AJUBA: variants seen among roughly 807,000 people sequenced by gnomAD.
The protein encoded by AJUBA is LIM domain-containing protein ajuba.
In AJUBA, 20 loss-of-function variants were observed where a neutral mutation model predicts 53.3. The ratio of observed to expected loss-of-function variants is 0.38; its 90% confidence interval spans 0.26 to 0.55. AJUBA has a LOEUF of 0.55. AJUBA is among the 20% of genes least tolerant of loss of function. The pLI is 0.80. For synonymous variants in AJUBA, 296 were observed against 306.2 expected (o/e 0.97, Z 0.35); for missense variants, 580 against 730.5 (o/e 0.79, Z 2.38).
Position 22,971,390 on chromosome 14 carries a change from C to T in AJUBA, c.*2053G>A, listed in dbSNP as rs2139342328. The T allele has an allele frequency of 6.6e-6, 1 of 152,334 alleles. No individual in the cohort carries two copies. 9.4% of individuals were successfully genotyped at this position (152,334 alleles called of 1,614,324 possible). A position where few individuals can be genotyped will look rare whatever the true frequency, so the allele number is the denominator to read the frequency against. ...TATTTCCCAGGTTGGCTGGCATAGT[C>T]ACCTTAGAATAGCCCCCAAATGTGG... On this transcript the variant is annotated 3_prime_UTR_variant, in exon 8 of 8. Transcript: ENST00000262713.
In AJUBA at chr14:22,972,838, A is replaced by T. The variant is rs952089626; in HGVS notation, c.*605T>A. ...ACTTGCTACCTCTCAGGGACATCCC[A>T]CACTGCATCAACCACAACCCCAAAA... On this transcript the variant is annotated 3_prime_UTR_variant, in exon 8 of 8. Transcript: ENST00000262713. The T allele has an allele frequency of 6.5e-6, 1 of 153,656 alleles. No homozygotes were observed. Among genetic ancestry groups the T allele is most frequent in the Non-Finnish European group, 1.4e-5 (1 of 68,966 alleles). The allele number at this position is 153,656 out of a possible 1,614,324, so 9.5% of individuals were successfully genotyped here.
At position 22,981,061 on chromosome 14, in the gene AJUBA, T is replaced by A. The variant is rs557014299; in HGVS notation, c.1006+200A>T. Among the ~76,000 whole-genome samples the A allele has an allele frequency of 5.3e-5, 8 of 151,956 alleles. No homozygotes were observed. In the South Asian group the frequency reaches 1.7e-3, roughly 32 times the overall value. On this transcript the variant is annotated intron_variant, in intron 1 of 7. Coordinates refer to ENST00000262713, the MANE Select transcript of AJUBA (RefSeq NM_032876.6). ...CCAGGGGGGTTGAATTTAGCAGAAA[T>A]AAGGAGCCCTGGTTCATCTGAAAAC...
chr14:22,976,922 T>C, intron 2 of AJUBA: 2 of 1,403,386 alleles, frequency 1.4e-6, no homozygotes, highest in Non-Finnish European at 1.8e-6. Context: ...CCCTCTCCTC[T>C]GCTTGCTGCT....
At chr14:22,977,741 G>A (rs2139352567) in intron 2 of AJUBA, 1 of 152,738 alleles carries the variant, frequency 6.5e-6, no homozygotes, top group South Asian at 2.1e-4. Flanking sequence ...AAGCAGTAAG[G>A]AGGGGGTAAT....
rs1332911531 is a variant in AJUBA, at chr14:22,971,300, T to G, written c.*2143A>C. On this transcript the variant is annotated 3_prime_UTR_variant, in exon 8 of 8. Coordinates refer to ENST00000262713, the MANE Select transcript of AJUBA (RefSeq NM_032876.6). ...TTTCTCACTCCAACAAGGTGCATTTTCCCCTCTGGCGCTCAGTTGTATAAA... is the reference window on the plus strand; with the variant it reads ...TTTCTCACTCCAACAAGGTGCATTTGCCCCTCTGGCGCTCAGTTGTATAAA... 6.6e-6 allele frequency: 1 copy of G among 152,022 alleles called. No homozygotes were observed. The highest frequency in any genetic ancestry group is 2.4e-5 in the African/African-American group (1 of 41,352). The allele number at this position is 152,022 out of a possible 1,614,324, so 9.4% of individuals were successfully genotyped here. A position where few individuals can be genotyped will look rare whatever the true frequency, so the allele number is the denominator to read the frequency against.
At chr14:22,978,812 C>T (rs1043320247) in intron 1 of AJUBA, 27 of 1,224,414 alleles carry the variant, frequency 2.2e-5, no homozygotes, top group Admixed American at 2.9e-5. Flanking sequence ...GTAGGATGAA[C>T]GGTCAAAGAT....
chr14:22,980,482 G>A (rs528529124), intron 1 of AJUBA: 1 of 553,838 alleles, frequency 1.8e-6, no homozygotes, highest in African/African-American at 2.0e-5. Context: ...ATAACACAGG[G>A]TCGTTATCCA....
Position 22,981,628 on chromosome 14 carries a change from T to A in AJUBA, c.639A>T (p.Arg213=), listed in dbSNP as rs2045097135. The A allele has an allele frequency of 3.3e-6, 5 of 1,527,156 alleles. No homozygotes were observed. The highest frequency in any genetic ancestry group is 2.6e-6 in the Non-Finnish European group (3 of 1,139,984). The allele number at this position is 1,527,156 out of a possible 1,614,324, so 94.6% of individuals were successfully genotyped here. A position where few individuals can be genotyped will look rare whatever the true frequency, so the allele number is the denominator to read the frequency against. ...ACCCCGCGGGCCGCTGAGCGTACAA[T>A]CGGTCCAGGGCGGCGTGGAGCTCCG... ...AYPELHAALD[R]LYAQRPAGFG... The change falls in exon 1 of 8, where the codon CGA becomes CGT. Residue 213 remains arginine (R), a synonymous_variant. Coordinates refer to ENST00000262713, the MANE Select transcript of AJUBA (RefSeq NM_032876.6).
chr14:22,976,283 T>G (rs1183188707), intron 4 of AJUBA, among the ~76,000 whole-genome samples, 173 bp downstream of exon 4: 1 of 151,914 alleles, frequency 6.6e-6, no homozygotes, highest in Non-Finnish European at 1.5e-5. Flanking sequence ...CCAGACTTGA[T>G]CCCATAGGCA....
chr14:22,980,319 G>A (rs1322125475), intron 1 of AJUBA, among the ~76,000 whole-genome samples: 1 of 152,192 alleles, frequency 6.6e-6, no homozygotes, highest in Non-Finnish European at 1.5e-5. Context: ...GTTCCTCATA[G>A]CTGAGACATA....
intron 4 of AJUBA, chr14:22,975,802 C>G (rs1238209271): frequency 6.6e-6 from 1 of 150,650 alleles, no homozygotes; most frequent in South Asian, 2.1e-4. Context: ...AAGCCGAGAT[C>G]GCACCACTGG....
In AJUBA at chr14:22,979,743, G is replaced by A. The variant is rs780310207; in HGVS notation, c.1007-1298C>T. ...AAAGCAAACGAAACTGCTCAGGCAC[G>A]TTGGCCTCACCTCCTCTAACCCAGC... is the stretch of plus-strand genomic sequence containing the variant. On this transcript the variant is annotated intron_variant, in intron 1 of 7. Transcript: ENST00000262713. This position sits in a 1 kb window ranked among gnomAD's most constrained non-coding sequence, Gnocchi z 4.0. Among the ~76,000 whole-genome samples, 1 of 152,212 alleles carries A rather than the reference G, an allele frequency of 6.6e-6. No individual in the cohort carries two copies. The highest frequency in any genetic ancestry group is 1.5e-5 in the Non-Finnish European group (1 of 68,042).
In AJUBA at chr14:22,974,873, C is replaced by A; in HGVS notation, c.1388G>T (p.Cys463Phe). 6.2e-7 allele frequency: 1 copy of A among 1,613,556 alleles called. No homozygotes were observed. ...TDYHKNYAPK[C>F]AACGQPILPS... The stretch of plus-strand genomic sequence containing the variant: ...GAGGATGGGTTGGCCACAGGCTGCA[C>A]ACTTAGGAGCATAATTTCTGAAAGA... The change falls in exon 6 of 8, where the codon TGT becomes TTT. Residue 463 changes from cysteine (C) to phenylalanine (F), a missense_variant. Physicochemically the swap from Cys to Phe is radical, Grantham distance 205. Transcript: ENST00000262713.
In AJUBA at chr14:22,974,984, C is replaced by T. The variant is rs749676873; in HGVS notation, c.1360G>A (p.Asp454Asn). 1 of 1,614,152 alleles carries T rather than the reference C, an allele frequency of 6.2e-7. No homozygotes were observed. The highest frequency in any genetic ancestry group is 2.2e-5 in the East Asian group (1 of 44,896). Residue 454 changes from aspartate to asparagine, a missense_variant, in exon 5 of 8, where the codon GAC (aspartate) becomes AAC (asparagine). Asp to Asn is a conservative substitution (Grantham distance 23). Around this residue, in one of 2 missense-constraint regions of AJUBA, gnomAD observed 150 missense variants for 259.0 expected, o/e 0.58. Coordinates refer to ENST00000262713, the MANE Select transcript of AJUBA (RefSeq NM_032876.6). ...DFSNQVYCVT[D>N]YHKNYAPKCA... Reference sequence around the variant, plus strand: ...AAGGGGCAGACTCACTTGTGGTAGTCGGTGACACAGTATACTTGGTTGGAG... The same window carrying T: ...AAGGGGCAGACTCACTTGTGGTAGTTGGTGACACAGTATACTTGGTTGGAG...
intron 1 of AJUBA, among the ~76,000 whole-genome samples, chr14:22,980,927 G>C (rs1289931334): frequency 6.6e-6 from 1 of 152,076 alleles, no homozygotes; most frequent in East Asian, 1.9e-4. Context: ...AAAGGGGGGA[G>C]CAAGTTGGGG....
At position 22,981,416 on chromosome 14, in the gene AJUBA, A is replaced by G. The variant is rs984998183; in HGVS notation, c.851T>C (p.Leu284Pro). ...ARYQDELTAL[L>P]RLTVGTGGRE... ...CCCACCGGTGCCCACCGTCAGGCGA[A>G]GCAAAGCTGTTAGCTCGTCCTGGTA... The change falls in exon 1 of 8, where the codon CTT becomes CCT. Residue 284 changes from leucine (L) to proline (P), a missense_variant. By Grantham distance (98) the Leu-to-Pro change is moderately conservative. Coordinates refer to ENST00000262713, the MANE Select transcript of AJUBA (RefSeq NM_032876.6). The G allele has an allele frequency of 2.5e-6, 4 of 1,612,486 alleles. No homozygotes were observed. The highest frequency in any genetic ancestry group is 1.7e-5 in the Admixed American group (1 of 59,958).
chr14:22,981,692 G>T lies in AJUBA; in HGVS notation c.575C>A (p.Pro192Gln), dbSNP rs1380141640. ...GACCCCTCCGGGAGAATAGCCTGCC[G>T]GTGCTCCGGCCAGGGGTGGGCCAAA... is the stretch of plus-strand genomic sequence containing the variant. ...CLFGPPLAGA[P>Q]AGYSPGGVPS... The change falls in exon 1 of 8, where the codon CCG becomes CAG. Residue 192 changes from proline to glutamine, a missense_variant. Coordinates refer to ENST00000262713, the MANE Select transcript of AJUBA (RefSeq NM_032876.6). 3.3e-6 allele frequency: 5 copies of T among 1,519,438 alleles called. No homozygotes were observed. The Admixed American group carries it at 1.0e-4, about 31-fold the overall frequency. 94.1% of individuals were successfully genotyped at this position (1,519,438 alleles called of 1,614,324 possible).
rs1476562912 is a variant in AJUBA, at chr14:22,974,831, A to G, written c.1422+8T>C. Reference sequence around the variant, plus strand: ...GGCTGCCCTGAAGGAGAACCCAGACATACTGACCTCAGAGGGGAGGATGGG... The same window carrying G: ...GGCTGCCCTGAAGGAGAACCCAGACGTACTGACCTCAGAGGGGAGGATGGG... On this transcript the variant is annotated splice_region_variant and intron_variant, in intron 6 of 7. Coordinates refer to ENST00000262713, the MANE Select transcript of AJUBA (RefSeq NM_032876.6). The G allele has an allele frequency of 1.2e-6, 2 of 1,611,188 alleles. No individual in the cohort carries two copies. Among genetic ancestry groups the G allele is most frequent in the Non-Finnish European group, 8.5e-7 (1 of 1,179,136 alleles).
intron 2 of AJUBA, chr14:22,977,054 G>A (rs914330401): frequency 2.2e-5 from 26 of 1,179,024 alleles, no homozygotes; most frequent in Non-Finnish European, 2.3e-5. Flanking sequence ...GAATACGTGA[G>A]CTCTTAATAA....
Sources: allele counts gnomAD v4.1 joint callset (sites outside exome capture counted in the v4.1 genomes callset), GRCh38; gene constraint gnomAD v4.1.1; regional missense constraint gnomAD v4.1.1; non-coding constraint Gnocchi (gnomAD v3.1); transcripts MANE v1.5; gene names NCBI Gene and HGNC (gene_info 2026-07-23, HGNC 2026-07-21).